Variants in RNF38 observed in about 807,000 individuals in gnomAD.
RNF38 encodes the protein ring finger protein 38.
In RNF38, 15 loss-of-function variants were observed where a neutral mutation model predicts 67.2. That is an observed-to-expected ratio of 0.22 (90% CI 0.15 to 0.34). RNF38 has a LOEUF of 0.34. RNF38 is among the 10% of genes least tolerant of loss of function. The pLI, the probability that RNF38 is intolerant of heterozygous loss-of-function variation, is 1.00. For synonymous variants in RNF38, 220 were observed against 218.8 expected, an observed-to-expected ratio of 1.01 and a Z score of -0.05; for missense variants, 524 against 639.9, an observed-to-expected ratio of 0.82 and a Z score of 1.95.
chr9:36,364,889 T>G (rs900007673), intron 4 of RNF38, among the ~76,000 whole-genome samples: 1 of 152,220 alleles, frequency 6.6e-6, no homozygotes, highest in African/African-American at 2.4e-5. Context: ...CAGCTAATAC[T>G]CTTGAGAAAT....
intron 2 of RNF38, among the ~76,000 whole-genome samples, chr9:36,420,505 CTG>C (rs1006133980): frequency 8.5e-6 from 1 of 118,050 alleles, no homozygotes; most frequent in African/African-American, 3.0e-5. Flanking sequence ...GCACTCCAGC[CTG>C]GGCAACAGAG....
chr9:36,487,656 G>C (rs1840454830), upstream of RNF38: 1 of 872,750 alleles, frequency 1.1e-6, no homozygotes, highest in African/African-American at 1.8e-5. Context: ...CGGCGACGGA[G>C]GCGGCTCCCG....
intron 4 of RNF38, among the ~76,000 whole-genome samples, chr9:36,369,045 A>G (rs1221315645): frequency 6.6e-6 from 1 of 152,086 alleles, no homozygotes; most frequent in African/African-American, 2.4e-5. Flanking sequence ...TGTACCTGTC[A>G]TCTCCTTGGA....
intron 1 of RNF38, among the ~76,000 whole-genome samples, chr9:36,476,579 G>A (rs536897852): frequency 2.8e-5 from 4 of 141,426 alleles, no homozygotes; most frequent in East Asian, 4.2e-4. Flanking sequence ...GCTGGAGCGC[G>A]ATGGCATGGT....
intron 2 of RNF38, among the ~76,000 whole-genome samples, chr9:36,408,178 C>T (rs929446789): frequency 6.6e-6 from 1 of 152,040 alleles, no homozygotes; most frequent in Non-Finnish European, 1.5e-5. Context: ...AGCTCACTGC[C>T]CCCTTGAATT....
intron 2 of RNF38, among the ~76,000 whole-genome samples, chr9:36,388,929 A>G (rs1428021059): frequency 6.6e-6 from 1 of 152,176 alleles, no homozygotes; most frequent in Non-Finnish European, 1.5e-5. Flanking sequence ...AAGGATAAGA[A>G]GCATAACTGG....
upstream of RNF38, chr9:36,400,881 C>A: frequency 1.0e-6 from 1 of 984,984 alleles, no homozygotes; most frequent in South Asian, 4.6e-5. Context: ...CACTAGGGGC[C>A]CGGCCCGGCC....
chr9:36,417,581 G>A (rs1396929003), intron 2 of RNF38, among the ~76,000 whole-genome samples: 9 of 151,746 alleles, frequency 5.9e-5, no homozygotes, highest in Admixed American at 4.6e-4. Flanking sequence ...GTGCAATCTC[G>A]GTTCAATACA....
intron 1 of RNF38, among the ~76,000 whole-genome samples, chr9:36,399,383 T>C (rs1422921495): frequency 6.6e-6 from 1 of 151,622 alleles, no homozygotes; most frequent in East Asian, 1.9e-4. Context: ...TTCAAATCTC[T>C]TAGAAATAAG....
At chr9:36,427,663 CTAT>C (rs1838807634) in intron 1 of RNF38, among the ~76,000 whole-genome samples, 1 of 28,798 alleles carries the variant, frequency 3.5e-5, no homozygotes, top group Non-Finnish European at 1.3e-4. Context: ...CAGCCTCTAT[CTAT>C]CTATCTATCT....
intron 2 of RNF38, among the ~76,000 whole-genome samples, chr9:36,417,194 T>C (rs1838498353): frequency 6.6e-6 from 1 of 152,186 alleles, no homozygotes; most frequent in Admixed American, 6.5e-5. Flanking sequence ...ACTTTCCCCC[T>C]CTTCACTTTG....
intron 9 of RNF38, among the ~76,000 whole-genome samples, chr9:36,345,627 C>A (rs1268769631): frequency 6.6e-6 from 1 of 152,158 alleles, no homozygotes; most frequent in Non-Finnish European, 1.5e-5. Context: ...TAGAATATAA[C>A]CACAATGACA....
chr9:36,451,778 GCAT>G (rs1839455109), intron 1 of RNF38, among the ~76,000 whole-genome samples: 2 of 151,542 alleles, frequency 1.3e-5, no homozygotes, highest in African/African-American at 4.8e-5. Context: ...GGGATTACAG[GCAT>G]TAGCCACTGC....
rs2133260157 is a variant in RNF38 at position 36,336,509 on chromosome 9, A to T, written c.*3243T>A. The T allele has an allele frequency of 6.5e-6, 1 of 152,718 alleles. No homozygotes were observed. The highest frequency in any genetic ancestry group is 2.1e-4 in the South Asian group (1 of 4,828). 9.5% of individuals were successfully genotyped at this position (152,718 alleles called of 1,614,324 possible). A position where few individuals can be genotyped will look rare whatever the true frequency, so the allele number is the denominator to read the frequency against. On this transcript the variant is annotated 3_prime_UTR_variant, in exon 12 of 12. Coordinates refer to ENST00000259605, the MANE Select transcript of RNF38 (RefSeq NM_022781.5). Reference sequence around the variant, plus strand: ...CACTACTTAGTAAAGCATTACTAGTAACTTTCATAAAAAATGTACAAACTT... The same window carrying T: ...CACTACTTAGTAAAGCATTACTAGTTACTTTCATAAAAAATGTACAAACTT...
At chr9:36,404,244 ATATG>A (rs1838128896), upstream of RNF38, among the ~76,000 whole-genome samples, 1 of 152,220 alleles carries the variant, frequency 6.6e-6, no homozygotes, top group Non-Finnish European at 1.5e-5. Flanking sequence ...CTGTGGCCAC[ATATG>A]CATGAGTTTG....
chr9:36,469,963 A>C (rs1423177103), intron 1 of RNF38, among the ~76,000 whole-genome samples: 1 of 152,158 alleles, frequency 6.6e-6, no homozygotes, highest in African/African-American at 2.4e-5. Flanking sequence ...TGAGTGACAG[A>C]GTGAAACCCT....
intron 9 of RNF38, among the ~76,000 whole-genome samples, chr9:36,345,177 C>T (rs1317023849): frequency 6.6e-6 from 1 of 151,782 alleles, no homozygotes; most frequent in Non-Finnish European, 1.5e-5. Context: ...CCACTGCAGC[C>T]CTATTAAAAT....
chr9:36,480,204 C>G (rs1355632074), intron 1 of RNF38, among the ~76,000 whole-genome samples: 3 of 151,928 alleles, frequency 2.0e-5, no homozygotes, highest in African/African-American at 7.3e-5. Flanking sequence ...GTCTCAAACT[C>G]TTGAGCTCAA....
At chr9:36,393,153 T>G (rs895794967) in intron 1 of RNF38, among the ~76,000 whole-genome samples, 1 of 152,230 alleles carries the variant, frequency 6.6e-6, no homozygotes, top group Non-Finnish European at 1.5e-5. Flanking sequence ...ACAAAATTGC[T>G]AGTACAAGTA....
Sources: gnomAD v4.1 joint callset for allele counts (sites outside exome capture counted in the v4.1 genomes callset) on GRCh38, gnomAD v4.1.1 for gene constraint, MANE v1.5 for transcripts, NCBI Gene and HGNC (gene_info 2026-07-23, HGNC 2026-07-21) for gene names.